YAF2: variants seen among roughly 807,000 people sequenced by gnomAD.
The protein encoded by YAF2 is YY1-associated factor 2.
In YAF2, 7 loss-of-function variants were observed where a neutral mutation model predicts 20.1. The observed-to-expected ratio is 0.35, with a 90% CI of 0.20 to 0.65. YAF2 has a LOEUF of 0.65. YAF2 is among the 30% of genes least tolerant of loss of function. YAF2 has a pLI of 0.69. For missense variants in YAF2, 151 were observed against 219.2 expected (o/e 0.69, Z 1.96); for synonymous variants, 74 against 76.0 (o/e 0.97, Z 0.14).
At chr12:42,212,540 C>T in intron 2 of YAF2, 1 of 372,982 alleles carries the variant, frequency 2.7e-6, no homozygotes, top group East Asian at 8.6e-5. Flanking sequence ...TAGTAACTAA[C>T]TCACCACTGA....
chr12:42,194,575 C>G (rs2066701745), intron 2 of YAF2, among the ~76,000 whole-genome samples: 1 of 152,138 alleles, frequency 6.6e-6, no homozygotes, highest in African/African-American at 2.4e-5. Context: ...AACCAGGAAG[C>G]AGAGGTTTCA....
chr12:42,180,377 T>C (rs1196048585), intron 2 of YAF2, among the ~76,000 whole-genome samples: 1 of 152,096 alleles, frequency 6.6e-6, no homozygotes, highest in Non-Finnish European at 1.5e-5. Flanking sequence ...ATGTCCTAGG[T>C]CCAACTGCCA....
intron 2 of YAF2, among the ~76,000 whole-genome samples, chr12:42,162,978 T>C (rs2065832398): frequency 6.6e-6 from 1 of 152,096 alleles, no homozygotes; most frequent in Admixed American, 6.6e-5. Context: ...TGGCTGAGGT[T>C]AAAAAAGAAA....
At chr12:42,182,367 C>T (rs571050053) in intron 2 of YAF2, among the ~76,000 whole-genome samples, 1 of 151,270 alleles carries the variant, frequency 6.6e-6, no homozygotes, top group African/African-American at 2.4e-5. Flanking sequence ...GAACAAAACA[C>T]AAATGTGAAA....
chr12:42,161,345 A>C (rs1290440226), intron 3 of YAF2: 2 of 293,960 alleles, frequency 6.8e-6, no homozygotes, highest in Non-Finnish European at 1.2e-5. Context: ...TCTTAAGGGA[A>C]AAACAAAACA....
In YAF2 at chr12:42,223,156, G is replaced by T. The variant is rs182174394; in HGVS notation, c.152+14443C>A. 2.6e-5 allele frequency among the ~76,000 whole-genome samples: 4 copies of T among 152,130 alleles called. No homozygotes were observed. The East Asian group carries it at 7.7e-4, about 29-fold the overall frequency. ...TAGAGCCCACATTGACACCCGAGTT[G>T]TTTGAAAGAGGTTTATAAAACTATC... On this transcript the variant is annotated intron_variant, in intron 2 of 3. Transcript: ENST00000534854.
chr12:42,201,598 T>C (rs537819811), intron 2 of YAF2, among the ~76,000 whole-genome samples: 285 of 152,230 alleles, frequency 1.9e-3, no homozygotes, highest in Non-Finnish European at 3.5e-3. Context: ...GCTGTTGCTG[T>C]TGTTGTTGTT....
chr12:42,203,843 C>T (rs2066966057), intron 2 of YAF2, among the ~76,000 whole-genome samples: 1 of 152,142 alleles, frequency 6.6e-6, no homozygotes, highest in Non-Finnish European at 1.5e-5. Context: ...CCCTCTTTTT[C>T]TGTTCTCTGA....
intron 2 of YAF2, among the ~76,000 whole-genome samples, chr12:42,201,141 C>T (rs1413973855): frequency 4.6e-5 from 7 of 152,176 alleles, no homozygotes; most frequent in Non-Finnish European, 1.0e-4. Context: ...TTTATCCATG[C>T]CTTCCTACTG....
intron 2 of YAF2, among the ~76,000 whole-genome samples, chr12:42,203,047 A>T (rs1263287302): frequency 2.0e-5 from 3 of 151,496 alleles, no homozygotes; most frequent in African/African-American, 7.3e-5. Flanking sequence ...TTAATTTTGC[A>T]CAGGAAGGTC....
chr12:42,191,782 G>T (rs2066618639), intron 2 of YAF2, among the ~76,000 whole-genome samples: 1 of 152,120 alleles, frequency 6.6e-6, no homozygotes, highest in Admixed American at 6.6e-5. Context: ...AGGAGTGGGG[G>T]TGAATAAGAA....
intron 2 of YAF2, among the ~76,000 whole-genome samples, chr12:42,224,533 C>G (rs1479608547): frequency 6.6e-6 from 1 of 152,044 alleles, no homozygotes; most frequent in East Asian, 1.9e-4. Context: ...CTCTAGCCCC[C>G]CACCCCGCGA....
At chr12:42,198,405 G>A (rs2066810786) in intron 2 of YAF2, among the ~76,000 whole-genome samples, 1 of 152,132 alleles carries the variant, frequency 6.6e-6, no homozygotes, top group Non-Finnish European at 1.5e-5. Context: ...GCAACATGGT[G>A]AAACTCTGTC....
chr12:42,218,703 T>A (rs2067431147), intron 2 of YAF2, among the ~76,000 whole-genome samples: 1 of 152,144 alleles, frequency 6.6e-6, no homozygotes, highest in South Asian at 2.1e-4. Context: ...ATAATCTTAT[T>A]AAATGTTATC....
chr12:42,191,018 TACA>T (rs986172018), intron 2 of YAF2, among the ~76,000 whole-genome samples: 41 of 152,298 alleles, frequency 2.7e-4, no homozygotes, highest in Admixed American at 1.4e-3. Context: ...TTTTTCTCTT[TACA>T]ACAACAGAAT....
chr12:42,235,416 T>G, intron 2 of YAF2: 1 of 1,054,970 alleles, frequency 9.5e-7, no homozygotes, highest in East Asian at 7.5e-5. Flanking sequence ...AATCAATATC[T>G]TCTCTAGTAA....
intron 1 of YAF2, 32 bp downstream of exon 1, chr12:42,238,123 C>T: frequency 6.7e-7 from 1 of 1,500,084 alleles, no homozygotes. Flanking sequence ...GCCGCCCGCA[C>T]AGTCCGGGCC....
chr12:42,224,460 A>T (rs1294672341), intron 2 of YAF2, among the ~76,000 whole-genome samples: 4 of 152,070 alleles, frequency 2.6e-5, no homozygotes, highest in Non-Finnish European at 5.9e-5. Flanking sequence ...CACGTGCCAT[A>T]GTGGTTTGCT....
At position 42,210,475 on chromosome 12, in the gene YAF2, G is replaced by A. The variant is rs1377365074; in HGVS notation, c.152+27124C>T. 7 of 1,535,520 alleles carry A rather than the reference G, an allele frequency of 4.6e-6. No homozygotes were observed. The African/African-American group carries it at 9.6e-5, about 21-fold the overall frequency. ...TGGAACTGAGGGGGCATGCAGTACA[G>A]ACGTATATGTAAGAAAGTTTGGGGG... On this transcript the variant is annotated intron_variant, in intron 2 of 3. Coordinates refer to ENST00000534854, the MANE Select transcript of YAF2 (RefSeq NM_005748.6).
Sources: allele counts gnomAD v4.1 joint callset (sites outside exome capture counted in the v4.1 genomes callset), GRCh38; gene constraint gnomAD v4.1.1; transcripts MANE v1.5; gene names NCBI Gene and HGNC (gene_info 2026-07-23, HGNC 2026-07-21).